ANTXR1: variants seen among roughly 807,000 people sequenced by gnomAD.
ANTXR1 encodes anthrax toxin receptor 1.
In ANTXR1, 19 loss-of-function variants were observed where a neutral mutation model predicts 78.1. That is an observed-to-expected ratio of 0.24 (90% CI 0.17 to 0.36). ANTXR1 has a LOEUF of 0.36. Ranked by LOEUF, ANTXR1 falls within the 10% of genes least tolerant of loss-of-function variation. The pLI, the probability that ANTXR1 is intolerant of heterozygous loss-of-function variation, is 1.00. For missense variants in ANTXR1, 518 were observed against 718.6 expected (o/e 0.72, Z 3.19); for synonymous variants, 273 against 260.5 (o/e 1.05, Z -0.46).
intron 10 of ANTXR1, among the ~76,000 whole-genome samples, chr2:69,113,553 GGCCCAAGTGTGT>G (rs1338964582): frequency 1.7e-4 from 26 of 152,282 alleles, no homozygotes; most frequent in African/African-American, 6.3e-4. Flanking sequence ...GCACTTTAGT[GGCCCAAGTGTGT>G]GCCCAAGTTC....
chr2:69,202,445 G>T (rs1036300969), intron 17 of ANTXR1, among the ~76,000 whole-genome samples: 10 of 152,200 alleles, frequency 6.6e-5, no homozygotes, highest in African/African-American at 2.4e-4. Context: ...CAAACAATGG[G>T]AGGGAGAGCC....
chr2:69,199,662 C>T (rs542324570), intron 17 of ANTXR1, among the ~76,000 whole-genome samples: 18 of 152,216 alleles, frequency 1.2e-4, no homozygotes, highest in African/African-American at 3.1e-4. Flanking sequence ...AAGGTCCCCC[C>T]CTAAAGGTTC....
chr2:69,169,612 A>G (rs1056130213), intron 13 of ANTXR1, among the ~76,000 whole-genome samples: 2 of 152,254 alleles, frequency 1.3e-5, no homozygotes, highest in African/African-American at 4.8e-5. Flanking sequence ...TTCAGCCCCA[A>G]AGATGGGACA....
rs182060453 is a variant in ANTXR1 at position 69,030,914 on chromosome 2, A to T, written c.153-9130A>T. ...AGTGAATACAGAAATTTAGAAAAAA[A>T]CGAGTCTGAAAGAAAGTGATTGTCT... is the stretch of plus-strand genomic sequence containing the variant. On this transcript the variant is annotated intron_variant, in intron 1 of 17. Coordinates refer to ENST00000303714, the MANE Select transcript of ANTXR1 (RefSeq NM_032208.3). Among the ~76,000 whole-genome samples, 248 of 152,318 alleles carry T rather than the reference A, an allele frequency of 1.6e-3. 2 individuals are homozygous for T. The highest frequency in any genetic ancestry group is 5.7e-3 in the African/African-American group (239 of 41,576).
chr2:69,188,146 C>CAGCCCAGGGTCTGGTCTTGTACA (rs1421712357), intron 16 of ANTXR1, among the ~76,000 whole-genome samples: 7 of 151,262 alleles, frequency 4.6e-5, no homozygotes, highest in Non-Finnish European at 1.0e-4. Flanking sequence ...CTTGTTCTGT[C>CAGCCCAGGGTCTGGTCTTGTACA]GCCCAGGCTG....
At chr2:69,092,876 G>T (rs1671285711) in intron 9 of ANTXR1, among the ~76,000 whole-genome samples, 1 of 152,328 alleles carries the variant, frequency 6.6e-6, no homozygotes. Flanking sequence ...TGTAGTGTGT[G>T]TGAATTGTTT....
chr2:69,196,647 A>T (rs1674674408), intron 17 of ANTXR1, among the ~76,000 whole-genome samples: 1 of 152,182 alleles, frequency 6.6e-6, no homozygotes, highest in South Asian at 2.1e-4. Context: ...TTCAGCACTG[A>T]TTTATGGAGC....
chr2:69,229,714 A>G (rs996376170), intron 17 of ANTXR1, among the ~76,000 whole-genome samples: 2 of 151,252 alleles, frequency 1.3e-5, no homozygotes, highest in African/African-American at 4.9e-5. Flanking sequence ...TCACTCACTC[A>G]GCATGACCAT....
chr2:69,180,722 G>C (rs111754151), intron 14 of ANTXR1, among the ~76,000 whole-genome samples: 5 of 152,186 alleles, frequency 3.3e-5, no homozygotes, highest in Admixed American at 2.6e-4. Flanking sequence ...ACAAACAAAA[G>C]CCTCTGTGGA....
At chr2:69,180,521 A>G (rs1309067844) in intron 14 of ANTXR1, among the ~76,000 whole-genome samples, 1 of 152,216 alleles carries the variant, frequency 6.6e-6, no homozygotes, top group African/African-American at 2.4e-5. Flanking sequence ...CAAGTTCCTC[A>G]TCTTCTTTCT....
intron 17 of ANTXR1, among the ~76,000 whole-genome samples, chr2:69,228,361 T>G (rs1419821531): frequency 1.3e-5 from 2 of 152,138 alleles, no homozygotes; most frequent in Admixed American, 1.3e-4. Context: ...ATGGGTAATA[T>G]TACTGGTGGC....
intron 9 of ANTXR1, among the ~76,000 whole-genome samples, chr2:69,092,012 G>A (rs1295555265): frequency 4.6e-5 from 7 of 152,216 alleles, no homozygotes; most frequent in Non-Finnish European, 1.0e-4. Flanking sequence ...CACTGTGCTA[G>A]GTGCTGGAGA....
chr2:69,217,366 A>G (rs975861740), intron 17 of ANTXR1, among the ~76,000 whole-genome samples: 1 of 152,218 alleles, frequency 6.6e-6, no homozygotes, highest in Non-Finnish European at 1.5e-5. Context: ...CAAGTGCACA[A>G]TGTGAATCTG....
intron 8 of ANTXR1, 60 bp downstream of exon 8, chr2:69,077,548 A>G (rs967131524): frequency 4.6e-6 from 7 of 1,530,302 alleles, no homozygotes; most frequent in Non-Finnish European, 6.3e-6. Context: ...CTGATCTGCT[A>G]TTAATACCCC....
intron 17 of ANTXR1, among the ~76,000 whole-genome samples, chr2:69,205,071 TG>T (rs1674863305): frequency 1.3e-5 from 2 of 152,134 alleles, no homozygotes; most frequent in Non-Finnish European, 2.9e-5. Flanking sequence ...GAGTGTACAC[TG>T]GAGTGGTCAG....
At chr2:69,098,512 A>T (rs1363388360) in intron 9 of ANTXR1, among the ~76,000 whole-genome samples, 1 of 152,224 alleles carries the variant, frequency 6.6e-6, no homozygotes, top group African/African-American at 2.4e-5. Context: ...AATGACATGC[A>T]ATCTTTATTG....
At chr2:69,184,874 T>C (rs1367119079) in intron 16 of ANTXR1, among the ~76,000 whole-genome samples, 2 of 152,140 alleles carry the variant, frequency 1.3e-5, no homozygotes, top group Non-Finnish European at 2.9e-5. Context: ...AAAATACAGA[T>C]TCCCAGGCCC....
intron 1 of ANTXR1, among the ~76,000 whole-genome samples, chr2:69,019,987 G>A (rs1422356923): frequency 6.6e-6 from 1 of 152,120 alleles, no homozygotes; most frequent in Non-Finnish European, 1.5e-5. Context: ...TCATTGATGT[G>A]CATTTAGGTT....
At chr2:69,203,381 T>C (rs567731927) in intron 17 of ANTXR1, among the ~76,000 whole-genome samples, 5 of 152,346 alleles carry the variant, frequency 3.3e-5, no homozygotes, top group Non-Finnish European at 7.3e-5. Context: ...GAGGGGGACA[T>C]GAGTACTTAG....
Sources: gnomAD v4.1 joint callset for allele counts (sites outside exome capture counted in the v4.1 genomes callset) on GRCh38, gnomAD v4.1.1 for gene constraint, MANE v1.5 for transcripts, NCBI Gene and HGNC (gene_info 2026-07-23, HGNC 2026-07-21) for gene names.